Variants in CTNNA2 observed in about 807,000 individuals in gnomAD.
CTNNA2 encodes catenin alpha 2.
A neutral mutation model predicts 101.0 loss-of-function variants in CTNNA2; 42 were observed. That is an observed-to-expected ratio of 0.42 (90% confidence interval 0.32 to 0.54). The LOEUF (loss-of-function observed/expected upper bound fraction) is 0.54. Among genes scored for constraint, CTNNA2 ranks in the 20% least tolerant of loss-of-function variants. CTNNA2 has a pLI of 0.14. For missense variants in CTNNA2, 871 were observed against 1,223.1 expected, an observed-to-expected ratio of 0.71 and a Z score of 4.29; for synonymous variants, 450 against 456.4, an observed-to-expected ratio of 0.99 and a Z score of 0.18.
intron 2 of CTNNA2, among the ~76,000 whole-genome samples, chr2:79,709,067 A>G (rs1326953327): frequency 2.0e-5 from 3 of 152,202 alleles, no homozygotes; most frequent in East Asian, 1.9e-4. Flanking sequence ...ATTGAAAAGT[A>G]AGATAAATGT....
At chr2:79,311,810 A>G (rs942157237) in intron 2 of CTNNA2, among the ~76,000 whole-genome samples, 5 of 152,166 alleles carry the variant, frequency 3.3e-5, no homozygotes, top group Non-Finnish European at 7.3e-5. Flanking sequence ...TCAGACCTTT[A>G]AAATGTGGAA....
At chr2:79,507,372 C>T (rs1671435496) in intron 5 of CTNNA2, among the ~76,000 whole-genome samples, 1 of 151,966 alleles carries the variant, frequency 6.6e-6, no homozygotes, top group Non-Finnish European at 1.5e-5. Flanking sequence ...GGATTAATGC[C>T]ATTACTGAGG....
intron 7 of CTNNA2, among the ~76,000 whole-genome samples, chr2:80,136,322 A>G (rs1213900611): frequency 2.0e-5 from 3 of 152,190 alleles, no homozygotes; most frequent in African/African-American, 7.2e-5. Context: ...CAGCCTTAGC[A>G]TCTGATTTGT....
chr2:79,885,113 T>C (rs1683754028), intron 6 of CTNNA2, among the ~76,000 whole-genome samples: 1 of 152,222 alleles, frequency 6.6e-6, no homozygotes, highest in East Asian at 1.9e-4. Context: ...TTAAGGGACA[T>C]TAAGAGGTTG....
At chr2:80,072,630 C>T (rs1368556544) in intron 7 of CTNNA2, among the ~76,000 whole-genome samples, 3 of 152,164 alleles carry the variant, frequency 2.0e-5, no homozygotes, top group Non-Finnish European at 2.9e-5. Context: ...GCCCTCCACC[C>T]ATCCACTATT....
chr2:79,991,229 C>T (rs1302429145), intron 7 of CTNNA2, among the ~76,000 whole-genome samples: 3 of 152,090 alleles, frequency 2.0e-5, no homozygotes, highest in African/African-American at 7.2e-5. Context: ...AAACCAGCTC[C>T]TGGATTCATT....
chr2:79,978,274 C>T (rs1358330739), intron 7 of CTNNA2, among the ~76,000 whole-genome samples: 1 of 152,162 alleles, frequency 6.6e-6, no homozygotes, highest in Non-Finnish European at 1.5e-5. Flanking sequence ...AGAAGGAGCT[C>T]TGCCACAGTT....
intron 2 of CTNNA2, among the ~76,000 whole-genome samples, chr2:79,247,918 G>A (rs1394996164): frequency 2.6e-5 from 4 of 152,184 alleles, no homozygotes; most frequent in Non-Finnish European, 4.4e-5. Context: ...GAAGGAGCAC[G>A]GCCATGTCTA....
intron 8 of CTNNA2, among the ~76,000 whole-genome samples, chr2:80,397,699 A>G (rs1678150531): frequency 6.6e-6 from 1 of 152,168 alleles, no homozygotes; most frequent in Admixed American, 6.5e-5. Context: ...TTTCCTTTAT[A>G]AATTACCCAG....
intron 7 of CTNNA2, among the ~76,000 whole-genome samples, chr2:80,272,474 G>A (rs958742674): frequency 1.3e-5 from 2 of 152,220 alleles, no homozygotes; most frequent in African/African-American, 4.8e-5. Context: ...CATCAGTGGT[G>A]TTTGCACATT....
chr2:79,659,651 T>C (rs1681875901), intron 2 of CTNNA2, among the ~76,000 whole-genome samples: 1 of 152,210 alleles, frequency 6.6e-6, no homozygotes, highest in South Asian at 2.1e-4. Context: ...ATTTTCATTT[T>C]TGAATGATAT....
intron 1 of CTNNA2, chr2:79,524,889 G>A (rs1672316850): frequency 1.4e-5 from 2 of 147,376 alleles, no homozygotes; most frequent in Admixed American, 6.8e-5. Context: ...TTTTATAGAT[G>A]TTTCTCAGTA....
At chr2:80,331,601 A>C (rs1231839292) in intron 7 of CTNNA2, among the ~76,000 whole-genome samples, 1 of 152,150 alleles carries the variant, frequency 6.6e-6, no homozygotes, top group African/African-American at 2.4e-5. Flanking sequence ...CTATGCTCAC[A>C]TCCTCTCTCC....
intron 4 of CTNNA2, among the ~76,000 whole-genome samples, chr2:79,493,115 C>A (rs1290291099): frequency 6.6e-6 from 1 of 151,132 alleles, no homozygotes; most frequent in Non-Finnish European, 1.5e-5. Flanking sequence ...AAATGAGGAA[C>A]AAGACAAGGA....
chr2:79,917,135 G>A (rs534295331), intron 7 of CTNNA2, among the ~76,000 whole-genome samples: 10 of 151,496 alleles, frequency 6.6e-5, no homozygotes, highest in African/African-American at 2.2e-4. Flanking sequence ...GGAGTGGTGC[G>A]ATCTCGGCTC....
chr2:79,218,830 T>A (rs1322772512), intron 2 of CTNNA2, among the ~76,000 whole-genome samples: 1 of 152,260 alleles, frequency 6.6e-6, no homozygotes, highest in African/African-American at 2.4e-5. Flanking sequence ...TGTAACTTTT[T>A]GCTAAAGTTC....
intron 1 of CTNNA2, among the ~76,000 whole-genome samples, chr2:79,598,961 T>G (rs1677374999): frequency 6.6e-6 from 1 of 152,198 alleles, no homozygotes; most frequent in Non-Finnish European, 1.5e-5. Context: ...CTGTGATCCA[T>G]TTTGATTTGA....
intron 3 of CTNNA2, among the ~76,000 whole-genome samples, chr2:79,333,155 A>G (rs552682856): frequency 2.0e-5 from 3 of 152,296 alleles, no homozygotes; most frequent in African/African-American, 4.8e-5. Context: ...ACATTTAGAA[A>G]TGAAACTCCT....
chr2:79,430,570 A>ACCCC (rs1678648956), intron 4 of CTNNA2, among the ~76,000 whole-genome samples: 2 of 152,186 alleles, frequency 1.3e-5, no homozygotes, highest in African/African-American at 4.8e-5. Context: ...TTTGTGTTAT[A>ACCCC]CTGAGTGCCA....
Sources: gnomAD v4.1 joint callset for allele counts (sites outside exome capture counted in the v4.1 genomes callset) on GRCh38, gnomAD v4.1.1 for gene constraint, MANE v1.5 for transcripts, NCBI Gene and HGNC (gene_info 2026-07-23, HGNC 2026-07-21) for gene names.